The following PTTG1IP variants were observed in gnomAD, a reference collection of about 807,000 sequenced individuals.
The protein encoded by PTTG1IP is PTTG1 interacting protein.
Under a neutral mutation model 24.4 loss-of-function variants are expected in PTTG1IP, and 16 were observed. The ratio of observed to expected loss-of-function variants is 0.66; its 90% CI spans 0.44 to 1.00. The LOEUF is 1.00. PTTG1IP is among the 50% of genes least tolerant of loss of function. The pLI is 0.00. For missense variants in PTTG1IP, 241 were observed against 245.8 expected, an observed-to-expected ratio of 0.98 and a Z score of 0.13; for synonymous variants, 89 against 96.8, an observed-to-expected ratio of 0.92 and a Z score of 0.47.
intron 3 of PTTG1IP, among the ~76,000 whole-genome samples, chr21:44,857,881 G>C (rs909276304): frequency 1.3e-5 from 2 of 152,210 alleles, no homozygotes; most frequent in East Asian, 1.9e-4. Flanking sequence ...AAAAATTATA[G>C]TAAGAGGGAG....
At chr21:44,854,601 G>A (rs1387992021) in intron 5 of PTTG1IP, among the ~76,000 whole-genome samples, 2 of 152,254 alleles carry the variant, frequency 1.3e-5, no homozygotes, top group Non-Finnish European at 1.5e-5. Context: ...TGAACATCAC[G>A]TGGTTTGGGG....
intron 3 of PTTG1IP, among the ~76,000 whole-genome samples, chr21:44,857,620 G>A (rs1029937621): frequency 3.3e-4 from 50 of 152,212 alleles, no homozygotes; most frequent in Non-Finnish European, 3.7e-4. Flanking sequence ...AGGTGACACC[G>A]TCTCACCTCC....
rs1231265178 is a variant in PTTG1IP at position 44,851,494 on chromosome 21, C to A, written c.*87G>T. ...AGGTTCACTGGCCAAGGTCAGGAGACCGCAATGGCCACGTGGTCTCCCGGC... is the reference window on the plus strand; with the variant it reads ...AGGTTCACTGGCCAAGGTCAGGAGAACGCAATGGCCACGTGGTCTCCCGGC... On this transcript the variant is annotated 3_prime_UTR_variant, in exon 6 of 6. Coordinates refer to ENST00000330938, the MANE Select transcript of PTTG1IP (RefSeq NM_004339.4). 16 of 1,613,570 alleles carry A rather than the reference C, an allele frequency of 9.9e-6. No individual in the cohort carries two copies. Among genetic ancestry groups the A allele is most frequent in the Non-Finnish European group, 1.3e-5 (15 of 1,179,980 alleles).
intron 1 of PTTG1IP, 190 bp from the exon 2 acceptor site, chr21:44,865,637 G>A: frequency 3.1e-6 from 2 of 644,492 alleles, no homozygotes; most frequent in Non-Finnish European, 5.6e-6. Flanking sequence ...TGGAACGAGT[G>A]TTCAGGAACC....
At chr21:44,864,633 G>A (rs765926364) in intron 2 of PTTG1IP, among the ~76,000 whole-genome samples, 14 of 152,150 alleles carry the variant, frequency 9.2e-5, no homozygotes, top group Non-Finnish European at 1.8e-4. Flanking sequence ...TGCTGACCTC[G>A]TGATCCACCT....
chr21:44,853,165 TGTGTGCGC>T (rs1157827952), intron 5 of PTTG1IP, among the ~76,000 whole-genome samples: 5 of 151,970 alleles, frequency 3.3e-5, no homozygotes, highest in Non-Finnish European at 7.4e-5. Context: ...AGTGTGTGCG[TGTGTGCGC>T]GTGTGCGTGT....
At chr21:44,859,265 T>A (rs1427275600) in intron 3 of PTTG1IP, among the ~76,000 whole-genome samples, 2 of 152,204 alleles carry the variant, frequency 1.3e-5, no homozygotes, top group Non-Finnish European at 2.9e-5. Context: ...GGAAGTCCAG[T>A]CAGTGGCTCC....
At chr21:44,859,469 C>T (rs1248795388) in intron 3 of PTTG1IP, among the ~76,000 whole-genome samples, 1 of 151,828 alleles carries the variant, frequency 6.6e-6, no homozygotes, top group African/African-American at 2.4e-5. Context: ...CTATAAACTG[C>T]GGTCCATGCA....
chr21:44,866,149 C>T (rs1442527640), intron 1 of PTTG1IP, among the ~76,000 whole-genome samples: 1 of 151,746 alleles, frequency 6.6e-6, no homozygotes, highest in Non-Finnish European at 1.5e-5. Context: ...GAAGCAAGAG[C>T]GACTGCATGA....
In PTTG1IP at chr21:44,855,973, G is replaced by A. The variant is rs1036383123; in HGVS notation, c.449+220C>T. 3.3e-5 allele frequency among the ~76,000 whole-genome samples: 5 copies of A among 152,330 alleles called. No individual in the cohort carries two copies. In the East Asian group the frequency reaches 5.8e-4, roughly 18 times the overall value. On this transcript the variant is annotated intron_variant, in intron 4 of 5. Coordinates refer to ENST00000330938, the MANE Select transcript of PTTG1IP (RefSeq NM_004339.4). ...CTTACTGCACCGATGGGAGGACACC[G>A]GGCGAGGAAGCCTATAGAAGCAAGG...
intron 2 of PTTG1IP, chr21:44,861,998 G>A: frequency 1.6e-6 from 1 of 629,846 alleles, no homozygotes; most frequent in Non-Finnish European, 2.9e-6. Flanking sequence ...CAGCTGGAGA[G>A]AACCTCATAG....
At position 44,873,629 on chromosome 21, in the gene PTTG1IP, G is replaced by T; in HGVS notation, c.-13C>A. 1 of 1,415,518 alleles carries T rather than the reference G, an allele frequency of 7.1e-7. No homozygotes were observed. The highest frequency in any genetic ancestry group is 9.2e-7 in the Non-Finnish European group (1 of 1,086,376). The allele number at this position is 1,415,518 out of a possible 1,614,324, so 87.7% of individuals were successfully genotyped here. On this transcript the variant is annotated 5_prime_UTR_variant, in exon 1 of 6. Coordinates refer to ENST00000330938, the MANE Select transcript of PTTG1IP (RefSeq NM_004339.4). ...CTCCGGGCGCCATGGTCGGCCGGTC[G>T]CTCTATCAGTCAGTGGAGCGTTACA...
chr21:44,853,181 T>C (rs1241426839), intron 5 of PTTG1IP, among the ~76,000 whole-genome samples: 2 of 152,126 alleles, frequency 1.3e-5, no homozygotes, highest in African/African-American at 2.4e-5. Flanking sequence ...CGCGTGTGCG[T>C]GTGTGTGTAT....
chr21:44,873,345 G>A (rs1418940505), intron 1 of PTTG1IP, among the ~76,000 whole-genome samples, 157 bp downstream of exon 1: 2 of 152,060 alleles, frequency 1.3e-5, no homozygotes, highest in African/African-American at 2.4e-5. Flanking sequence ...AAACGGGCGT[G>A]ACCCTCGAGG....
chr21:44,866,971 T>G (rs1330295236), intron 1 of PTTG1IP, among the ~76,000 whole-genome samples: 2 of 152,034 alleles, frequency 1.3e-5, no homozygotes, highest in Non-Finnish European at 2.9e-5. Context: ...GCAATTCCAC[T>G]CTTAGTATTT....
chr21:44,860,094 C>T (rs892635837), intron 3 of PTTG1IP, among the ~76,000 whole-genome samples: 5 of 152,164 alleles, frequency 3.3e-5, no homozygotes, highest in Non-Finnish European at 7.3e-5. Context: ...CGGGGCTGGG[C>T]GCAGTGGCTC....
Position 44,857,747 on chromosome 21 carries a change from A to G in PTTG1IP, c.278-1383T>C, listed in dbSNP as rs756772427. Among the ~76,000 whole-genome samples, 70 of 152,180 alleles carry G rather than the reference A, an allele frequency of 4.6e-4. 1 individual carries two copies. Among genetic ancestry groups the G allele is most frequent in the Non-Finnish European group, 3.7e-4 (25 of 68,018 alleles). On this transcript the variant is annotated intron_variant, in intron 3 of 5. Coordinates refer to ENST00000330938, the MANE Select transcript of PTTG1IP (RefSeq NM_004339.4). ...TGCTGCCCCGGACGCTGAGATCCGC[A>G]TTTCTTAGTTTATTAAAATAGTTTG...
At chr21:44,866,814 T>C (rs911239513) in intron 1 of PTTG1IP, among the ~76,000 whole-genome samples, 3 of 152,070 alleles carry the variant, frequency 2.0e-5, no homozygotes, top group African/African-American at 7.2e-5. Context: ...ATGGCTAAAA[T>C]TAAAGAGAAT....
At chr21:44,853,336 T>C (rs1425357348) in intron 5 of PTTG1IP, among the ~76,000 whole-genome samples, 1 of 151,914 alleles carries the variant, frequency 6.6e-6, no homozygotes, top group African/African-American at 2.4e-5. Flanking sequence ...TGAAACCCCA[T>C]CTCTACTAAA....
Sources: allele counts gnomAD v4.1 joint callset (sites outside exome capture counted in the v4.1 genomes callset), GRCh38; gene constraint gnomAD v4.1.1; transcripts MANE v1.5; gene names NCBI Gene and HGNC (gene_info 2026-07-23, HGNC 2026-07-21).